The following MCMDC2 variants were observed in gnomAD, a reference collection of about 807,000 sequenced individuals.
The protein encoded by MCMDC2 is minichromosome maintenance domain containing 2.
A neutral mutation model predicts 75.8 loss-of-function variants in MCMDC2; 54 were observed. That is an observed-to-expected ratio of 0.71 (90% confidence interval 0.57 to 0.89). The LOEUF is 0.89. MCMDC2 is among the 40% of genes least tolerant of loss of function. The pLI is 0.00. For missense variants in MCMDC2, 656 were observed against 780.4 expected, an observed-to-expected ratio of 0.84 and a Z score of 1.90; for synonymous variants, 249 against 274.6, an observed-to-expected ratio of 0.91 and a Z score of 0.92.
At chr8:66,876,764 C>G (rs927625158) in intron 4 of MCMDC2, among the ~76,000 whole-genome samples, 2 of 143,822 alleles carry the variant, frequency 1.4e-5, no homozygotes, top group African/African-American at 5.0e-5. Context: ...GAGATGGAGT[C>G]TCACTCTGTC....
At chr8:66,874,679 A>G in intron 4 of MCMDC2, 93 bp downstream of exon 4, 1 of 1,112,756 alleles carries the variant, frequency 9.0e-7, no homozygotes, top group Non-Finnish European at 1.3e-6. Flanking sequence ...TTTTATTTAA[A>G]AGGATACTAC....
Position 66,890,932 on chromosome 8 carries a change from C to T in MCMDC2, c.1141C>T (p.Pro381Ser). 1.9e-6 allele frequency: 3 copies of T among 1,613,740 alleles called. No homozygotes were observed. Among genetic ancestry groups the T allele is most frequent in the Middle Eastern group, 3.3e-4 (2 of 6,062 alleles). Reference sequence around the variant, plus strand: ...TCATCTAGTCTCTACTGAAATTTTTCCCACTCTATCCAGGAATAAGTATGG... The same window carrying T: ...TCATCTAGTCTCTACTGAAATTTTTTCCACTCTATCCAGGAATAAGTATGG... ...IRHLVSTEIF[P>S]TLSRNKYGTG... The change falls in exon 10 of 15, where the codon CCC becomes TCC. Residue 381 changes from proline (P) to serine (S), a missense_variant. By Grantham distance (74) the Pro-to-Ser change is moderately conservative (BLOSUM62 -1). Coordinates refer to ENST00000422365, the MANE Select transcript of MCMDC2 (RefSeq NM_173518.5).
chr8:66,874,287 C>T (rs1046624811), intron 2 of MCMDC2, 39 bp from the exon 3 acceptor site: 5 of 1,607,202 alleles, frequency 3.1e-6, no homozygotes, highest in Non-Finnish European at 4.2e-6. Flanking sequence ...AACTCCTACA[C>T]ATAGCTATCC....
Position 66,919,386 on chromosome 8 carries a change from G to T in MCMDC2, c.*217G>T, listed in dbSNP as rs532231339. 2.9e-6 allele frequency: 1 copy of T among 339,178 alleles called. No individual in the cohort carries two copies. The highest frequency in any genetic ancestry group is 5.3e-6 in the Non-Finnish European group (1 of 189,436). The allele number at this position is 339,178 out of a possible 1,614,324, so 21.0% of individuals were successfully genotyped here. On this transcript the variant is annotated 3_prime_UTR_variant, in exon 15 of 15. Transcript: ENST00000422365. ...AAAACCAACAGAATTTTAAAACTTA[G>T]AACAATGTGGACAATTTAAAGTGAT...
At chr8:66,907,179 G>C (rs1812939599) in intron 14 of MCMDC2, among the ~76,000 whole-genome samples, 5 of 151,906 alleles carry the variant, frequency 3.3e-5, no homozygotes, top group African/African-American at 7.3e-5. Flanking sequence ...TGTCATCTAG[G>C]TTTTAAGCCC....
At chr8:66,896,514 C>A (rs1812358961) in intron 11 of MCMDC2, among the ~76,000 whole-genome samples, 178 bp downstream of exon 11, 1 of 151,984 alleles carries the variant, frequency 6.6e-6, no homozygotes. Flanking sequence ...GATCAGATAT[C>A]TGCTCACTGG....
chr8:66,907,913 G>C (rs1812968939), intron 14 of MCMDC2, among the ~76,000 whole-genome samples: 1 of 151,916 alleles, frequency 6.6e-6, no homozygotes, highest in African/African-American at 2.4e-5. Context: ...TCCACTTTTT[G>C]ATGGGGTTTT....
At chr8:66,922,885 T>G (rs571931952), downstream of MCMDC2, among the ~76,000 whole-genome samples, 186 of 152,370 alleles carry the variant, frequency 1.2e-3, no homozygotes, top group African/African-American at 4.4e-3. Flanking sequence ...AAAAAAGTAC[T>G]ATTATTCTAT....
At chr8:66,899,416 G>A (rs763282776) in intron 12 of MCMDC2, among the ~76,000 whole-genome samples, 3 of 152,168 alleles carry the variant, frequency 2.0e-5, no homozygotes, top group Non-Finnish European at 2.9e-5. Context: ...CTGAAAGCCT[G>A]GAGAGAGTTG....
At chr8:66,924,734 T>C (rs1813668273), downstream of MCMDC2, among the ~76,000 whole-genome samples, 2 of 152,044 alleles carry the variant, frequency 1.3e-5, no homozygotes, top group Non-Finnish European at 2.9e-5. Context: ...TACACATCTC[T>C]ATGTAAATAC....
At chr8:66,917,071 G>A (rs1813350713) in intron 14 of MCMDC2, among the ~76,000 whole-genome samples, 1 of 152,178 alleles carries the variant, frequency 6.6e-6, no homozygotes, top group Non-Finnish European at 1.5e-5. Flanking sequence ...GGAAGCATGG[G>A]AAAGAATGGT....
intron 13 of MCMDC2, among the ~76,000 whole-genome samples, chr8:66,902,711 AATATATATATAT>A (rs1231949044): frequency 3.5e-4 from 24 of 67,912 alleles, no homozygotes; most frequent in African/African-American, 1.3e-3. Flanking sequence ...AAAAAAAAAA[AATATATATATAT>A]ATATATATAT....
At chr8:66,922,159 C>CA (rs958854793), downstream of MCMDC2, 1 of 155,744 alleles carries the variant, frequency 6.4e-6, no homozygotes, top group African/African-American at 2.4e-5. Context: ...ATTCCATACT[C>CA]AAAGTTCTCA....
chr8:66,897,685 A>T (rs1812425424), intron 12 of MCMDC2, among the ~76,000 whole-genome samples: 1 of 152,184 alleles, frequency 6.6e-6, no homozygotes, highest in Non-Finnish European at 1.5e-5. Flanking sequence ...TCCTGACTTT[A>T]GGGGATATAT....
intron 11 of MCMDC2, 92 bp from the exon 12 acceptor site, chr8:66,896,688 C>T: frequency 2.3e-6 from 2 of 887,742 alleles, no homozygotes; most frequent in Non-Finnish European, 3.1e-6. Context: ...TTAATAATAA[C>T]AACATATAAT....
chr8:66,896,008 A>G (rs1401805941), intron 10 of MCMDC2, among the ~76,000 whole-genome samples, 162 bp from the exon 11 acceptor site: 2 of 152,216 alleles, frequency 1.3e-5, no homozygotes, highest in African/African-American at 4.8e-5. Flanking sequence ...CATATTTTTT[A>G]TGGCAGAACT....
chr8:66,887,992 G>C (rs989656557), intron 9 of MCMDC2, among the ~76,000 whole-genome samples: 5 of 152,170 alleles, frequency 3.3e-5, no homozygotes, highest in African/African-American at 4.8e-5. Flanking sequence ...TTTATGTTCA[G>C]TCTTGAAATC....
At chr8:66,918,235 A>T (rs1175529231) in intron 14 of MCMDC2, among the ~76,000 whole-genome samples, 1 of 151,870 alleles carries the variant, frequency 6.6e-6, no homozygotes, top group Non-Finnish European at 1.5e-5. Context: ...CCTATTTTTT[A>T]ATGATTATTT....
intron 4 of MCMDC2, among the ~76,000 whole-genome samples, chr8:66,875,455 T>C (rs1340004792): frequency 6.6e-6 from 1 of 152,124 alleles, no homozygotes; most frequent in East Asian, 1.9e-4. Context: ...AATTTTGTAT[T>C]TTTAGTAAAG....
Sources: allele counts gnomAD v4.1 joint callset (sites outside exome capture counted in the v4.1 genomes callset), GRCh38; gene constraint gnomAD v4.1.1; transcripts MANE v1.5; gene names NCBI Gene and HGNC (gene_info 2026-07-23, HGNC 2026-07-21).